STPG4: variants seen among roughly 807,000 people sequenced by gnomAD.
The protein encoded by STPG4 is sperm-tail PG-rich repeat containing 4.
A neutral mutation model predicts 31.5 loss-of-function variants in STPG4; 41 were observed. That is an observed-to-expected ratio of 1.30 (90% CI 1.01 to 1.69). STPG4 has a LOEUF of 1.69. STPG4 is among the 40% of genes most tolerant of loss of function. The probability of loss-of-function intolerance (pLI) is 0.00; values close to 1 mark genes in which losing one functional copy is unlikely to be tolerated. For missense variants in STPG4, 375 were observed against 293.4 expected, an observed-to-expected ratio of 1.28 and a Z score of -2.03; for synonymous variants, 141 against 103.0, an observed-to-expected ratio of 1.37 and a Z score of -2.24.
In STPG4 at chr2:47,119,792, G is replaced by C. The variant is rs183051380; in HGVS notation, c.519+10149C>G. Among the ~76,000 whole-genome samples the C allele has an allele frequency of 2.7e-3, 408 of 152,316 alleles. 2 individuals carry two copies. Among genetic ancestry groups the C allele is most frequent in the African/African-American group, 9.1e-3 (380 of 41,570 alleles). The stretch of plus-strand genomic sequence containing the variant: ...TTATTTGCAGGGCACCAAGCAAGGA[G>C]GGCCAGACAGCTAATGTTTAAGTCC... On this transcript the variant is annotated intron_variant, in intron 5 of 6. Transcript: ENST00000445927.
intron 5 of STPG4, among the ~76,000 whole-genome samples, chr2:47,102,907 G>C (rs1685830065): frequency 6.6e-6 from 1 of 151,832 alleles, no homozygotes; most frequent in Non-Finnish European, 1.5e-5. Flanking sequence ...AGGTCCTACA[G>C]GGTCTAGGGC....
At chr2:47,111,190 T>G (rs1261396847) in intron 5 of STPG4, among the ~76,000 whole-genome samples, 3 of 152,184 alleles carry the variant, frequency 2.0e-5, no homozygotes, top group African/African-American at 7.2e-5. Flanking sequence ...TGAGTCTGTA[T>G]AGTCTCAATG....
intron 3 of STPG4, among the ~76,000 whole-genome samples, chr2:47,145,982 A>G (rs908878748): frequency 6.6e-6 from 1 of 152,212 alleles, no homozygotes; most frequent in African/African-American, 2.4e-5. Flanking sequence ...GATAGAGAGT[A>G]GGCCATCCAG....
At chr2:47,136,176 A>C (rs1017588473) in intron 3 of STPG4, among the ~76,000 whole-genome samples, 1 of 150,956 alleles carries the variant, frequency 6.6e-6, no homozygotes, top group Non-Finnish European at 1.5e-5. Flanking sequence ...ACAGAGTTTC[A>C]CTCTTGTTGC....
chr2:47,139,939 C>G (rs528859675), intron 3 of STPG4, among the ~76,000 whole-genome samples: 187 of 152,192 alleles, frequency 1.2e-3, no homozygotes, highest in African/African-American at 4.4e-3. Flanking sequence ...TCACACCCGG[C>G]TAATTTTTGT....
Position 47,151,405 on chromosome 2 carries a change from A to G in STPG4, c.252T>C (p.Pro84=), listed in dbSNP as rs1467929087. 8 of 1,614,084 alleles carry G rather than the reference A, an allele frequency of 5.0e-6. No homozygotes were observed. Among genetic ancestry groups the G allele is most frequent in the Middle Eastern group, 1.6e-4 (1 of 6,084 alleles). Reference sequence around the variant, plus strand: ...GGACTGGATTGTTTCTTTGCACAAGAGGTGGCTTTTTCCTTCCTTCGTTTT... The same window carrying G: ...GGACTGGATTGTTTCTTTGCACAAGGGGTGGCTTTTTCCTTCCTTCGTTTT... ...NFKNEGRKKP[P]LVQRNNPVLN... Residue 84 remains proline (P), a synonymous_variant, in exon 3 of 7, where the codon CCT becomes CCC. Transcript: ENST00000445927.
rs1407827577 is a variant in STPG4 at position 47,095,753 on chromosome 2, C to T, written c.520-5379G>A. 2.0e-5 allele frequency among the ~76,000 whole-genome samples: 3 copies of T among 152,176 alleles called. No individual in the cohort carries two copies. In the East Asian group the frequency reaches 5.8e-4, roughly 29 times the overall value. On this transcript the variant is annotated intron_variant, in intron 5 of 6. Transcript: ENST00000445927. Reference sequence around the variant, plus strand: ...AATTTTTAACTGGGCTCATGTCTACCCAGAATAAGGATTCACTTTCCCAGC... The same window carrying T: ...AATTTTTAACTGGGCTCATGTCTACTCAGAATAAGGATTCACTTTCCCAGC...
intron 3 of STPG4, among the ~76,000 whole-genome samples, chr2:47,143,153 G>C (rs1686751066): frequency 6.6e-6 from 1 of 152,134 alleles, no homozygotes; most frequent in South Asian, 2.1e-4. Flanking sequence ...TGGTTGCACA[G>C]TATGTCATTT....
At chr2:47,135,234 C>A (rs1194116641) in intron 3 of STPG4, among the ~76,000 whole-genome samples, 1 of 152,086 alleles carries the variant, frequency 6.6e-6, no homozygotes, top group Non-Finnish European at 1.5e-5. Flanking sequence ...ATGGATCATG[C>A]TTTTGGTGTA....
At chr2:47,090,159 T>C (rs531239162) in intron 6 of STPG4, 111 bp downstream of exon 6, 69 of 700,034 alleles carry the variant, frequency 9.9e-5, no homozygotes, top group East Asian at 9.8e-4. Flanking sequence ...CACATGATCA[T>C]TCCCCCATCT....
At position 47,106,036 on chromosome 2, in the gene STPG4, C is replaced by A. The variant is rs1685903471; in HGVS notation, c.520-15662G>T. Among the ~76,000 whole-genome samples the A allele has an allele frequency of 1.3e-5, 2 of 149,090 alleles. 1 individual carries two copies. The highest frequency in any genetic ancestry group is 4.3e-4 in the South Asian group (2 of 4,684). On this transcript the variant is annotated intron_variant, in intron 5 of 6. Coordinates refer to ENST00000445927, the MANE Select transcript of STPG4 (RefSeq NM_001163561.2). ...GCTGGCAGAGGTAGGGAAAGACCAG[C>A]AAGAAGGAAAGAGAGAAAAAGAAAG...
chr2:47,116,946 T>A (rs1558678482), intron 5 of STPG4, among the ~76,000 whole-genome samples: 1 of 152,154 alleles, frequency 6.6e-6, no homozygotes, highest in Non-Finnish European at 1.5e-5. Flanking sequence ...CCTGGGCCCC[T>A]CAACTAATGA....
intron 5 of STPG4, chr2:47,108,493 G>A (rs188678030): frequency 1.1e-3 from 180 of 157,292 alleles, no homozygotes; most frequent in Non-Finnish European, 1.8e-3. Flanking sequence ...CTCCAGACGC[G>A]CCACCTTAAG....
intron 5 of STPG4, chr2:47,129,157 T>A (rs1425254359): frequency 6.6e-6 from 1 of 152,018 alleles, no homozygotes; most frequent in African/African-American, 2.4e-5. Context: ...GTATCCAGAT[T>A]CAAGACAAGT....
intron 5 of STPG4, among the ~76,000 whole-genome samples, chr2:47,110,904 C>G (rs1686022590): frequency 6.6e-6 from 1 of 152,178 alleles, no homozygotes; most frequent in Non-Finnish European, 1.5e-5. Context: ...GATTTCCCCT[C>G]TGCTATTAAA....
At chr2:47,102,587 G>T (rs1302708129) in intron 5 of STPG4, among the ~76,000 whole-genome samples, 3 of 151,794 alleles carry the variant, frequency 2.0e-5, no homozygotes, top group Non-Finnish European at 2.9e-5. Flanking sequence ...TGCAAAGCTT[G>T]CAATTTACAT....
intron 5 of STPG4, among the ~76,000 whole-genome samples, chr2:47,103,387 G>C (rs1046964838): frequency 5.3e-5 from 8 of 151,852 alleles, no homozygotes; most frequent in African/African-American, 1.9e-4. Context: ...TCAGGAGAAA[G>C]CTCCAAAAGC....
intron 4 of STPG4, 94 bp downstream of exon 4, chr2:47,130,102 C>T: frequency 4.1e-6 from 6 of 1,469,908 alleles, no homozygotes; most frequent in Non-Finnish European, 3.8e-6. Flanking sequence ...TGTTAATTTG[C>T]ATATGAGGTG....
At chr2:47,145,929 G>C (rs910199682) in intron 3 of STPG4, among the ~76,000 whole-genome samples, 4 of 152,118 alleles carry the variant, frequency 2.6e-5, no homozygotes, top group Admixed American at 2.6e-4. Context: ...AATTTAAATG[G>C]GGCTCATTGA....
Sources: allele counts gnomAD v4.1 joint callset (sites outside exome capture counted in the v4.1 genomes callset), GRCh38; gene constraint gnomAD v4.1.1; transcripts MANE v1.5; gene names NCBI Gene and HGNC (gene_info 2026-07-23, HGNC 2026-07-21).